Variants in FSTL4 observed in about 807,000 individuals in gnomAD.
FSTL4 encodes the protein follistatin-related protein 4.
FSTL4 carries 28 observed loss-of-function variants against 78.2 expected under a neutral mutation model. The ratio of observed to expected loss-of-function variants is 0.36; its 90% CI spans 0.27 to 0.49. The LOEUF is 0.49. FSTL4 is among the 20% of genes least tolerant of loss of function. FSTL4 has a pLI of 0.98. For missense variants in FSTL4, 922 were observed against 1,084.9 expected, an observed-to-expected ratio of 0.85 and a Z score of 2.11; for synonymous variants, 422 against 440.5, an observed-to-expected ratio of 0.96 and a Z score of 0.53.
At chr5:133,336,209 C>T (rs1754459255) in intron 4 of FSTL4, among the ~76,000 whole-genome samples, 1 of 152,252 alleles carries the variant, frequency 6.6e-6, no homozygotes, top group Non-Finnish European at 1.5e-5. Flanking sequence ...CCCAGCAAAG[C>T]TGGGCTGTCC....
Position 133,225,283 on chromosome 5 carries a change from G to A in FSTL4, c.1179C>T (p.Ala393=), listed in dbSNP as rs746709405. ...TGCTGATGTGGAGTTCGCTCCCATT[G>A]GCTGCAGACAGGACAGTGCTCAGGG... The part of the protein sequence containing the change: ...TQMSKQLSLL[A]NGSELHISSV... The change falls in exon 10 of 16, where the codon GCC becomes GCT. Residue 393 remains alanine, a splice_region_variant and synonymous_variant. Coordinates refer to ENST00000265342, the MANE Select transcript of FSTL4 (RefSeq NM_015082.2). The surrounding 1 kb of genome is among the most constrained non-coding windows in gnomAD (Gnocchi z 4.6). 29 of 1,614,024 alleles carry A rather than the reference G, an allele frequency of 1.8e-5. No individual in the cohort carries two copies. In the Admixed American group the frequency reaches 4.8e-4, roughly 27 times the overall value.
Position 133,225,007 on chromosome 5 carries a change from T to G in FSTL4, c.1312+143A>C, listed in dbSNP as rs1751279831. The G allele has an allele frequency of 4.2e-6, 4 of 941,776 alleles. No individual in the cohort carries two copies. In the Admixed American group the frequency reaches 8.2e-5, roughly 19 times the overall value. 58.3% of individuals were successfully genotyped at this position (941,776 alleles called of 1,614,324 possible). A position where few individuals can be genotyped will look rare whatever the true frequency, so the allele number is the denominator to read the frequency against. On this transcript the variant is annotated intron_variant, in intron 10 of 15. Transcript: ENST00000265342. The surrounding 1 kb of genome is among the most constrained non-coding windows in gnomAD (Gnocchi z 4.6). Reference sequence around the variant, plus strand: ...CTCTGGGTGCCCTCCAATTCCAGCTTTATGCAAAGAGGGATATGAGGCTTA... The same window carrying G: ...CTCTGGGTGCCCTCCAATTCCAGCTGTATGCAAAGAGGGATATGAGGCTTA...
In FSTL4 at chr5:133,377,777, T is replaced by A. The variant is rs577374350; in HGVS notation, c.409+22961A>T. ...AAACTTCCTAAATTTGATTAAAAAA[T>A]TAATCAGTACATCCAAGAAATTCAA... On this transcript the variant is annotated intron_variant, in intron 4 of 15. Transcript: ENST00000265342. Among the ~76,000 whole-genome samples the A allele has an allele frequency of 5.8e-4, 88 of 152,218 alleles. 1 individual carries two copies. The South Asian group carries it at 0.018, about 31-fold the overall frequency.
At chr5:133,594,771 C>T (rs1300140321) in intron 2 of FSTL4, among the ~76,000 whole-genome samples, 2 of 152,160 alleles carry the variant, frequency 1.3e-5, no homozygotes, top group African/African-American at 4.8e-5. Context: ...CGTTTAAATG[C>T]AAGGCCAGAA....
At chr5:133,249,049 C>G (rs1300151958) in intron 7 of FSTL4, among the ~76,000 whole-genome samples, 1 of 152,232 alleles carries the variant, frequency 6.6e-6, no homozygotes, top group Non-Finnish European at 1.5e-5. Flanking sequence ...GTGGAGCCTG[C>G]TGCTCTCTCT....
chr5:133,640,755 T>C, the FSTL4 span, among the ~76,000 whole-genome samples: 12 of 152,186 alleles, frequency 7.9e-5, no homozygotes, highest in Non-Finnish European at 1.8e-4. Context: ...TGCATGTATG[T>C]ACAGCCAATA....
At chr5:133,216,761 G>T (rs1372368884) in intron 13 of FSTL4, among the ~76,000 whole-genome samples, 1 of 152,198 alleles carries the variant, frequency 6.6e-6, no homozygotes, top group Non-Finnish European at 1.5e-5. Flanking sequence ...CCTCACTTTG[G>T]GCTTTGTTTT....
chr5:133,213,013 A>AT (rs530591042), intron 13 of FSTL4, among the ~76,000 whole-genome samples: 3,456 of 141,404 alleles, frequency 0.024, 70 homozygotes, highest in African/African-American at 0.054. Flanking sequence ...GAAAGTAAAG[A>AT]TTTTTTTTTT....
the FSTL4 span, among the ~76,000 whole-genome samples, chr5:133,771,377 C>T: frequency 6.6e-6 from 1 of 151,998 alleles, no homozygotes; most frequent in East Asian, 1.9e-4. Flanking sequence ...TTGTTTGAGT[C>T]TTGTACAATT....
the FSTL4 span, among the ~76,000 whole-genome samples, chr5:133,718,921 A>G: frequency 6.6e-6 from 1 of 152,274 alleles, no homozygotes; most frequent in South Asian, 2.1e-4. Flanking sequence ...AAGAATAAGC[A>G]ACATATATTC....
At chr5:133,367,660 C>A (rs1755207224) in intron 4 of FSTL4, among the ~76,000 whole-genome samples, 1 of 152,178 alleles carries the variant, frequency 6.6e-6, no homozygotes, top group Non-Finnish European at 1.5e-5. Context: ...CTCTCCCGCA[C>A]CTCAAGGATG....
intron 3 of FSTL4, among the ~76,000 whole-genome samples, chr5:133,468,464 G>A (rs1315978604): frequency 6.6e-6 from 1 of 152,236 alleles, no homozygotes; most frequent in African/African-American, 2.4e-5. Flanking sequence ...GGAAGAAGGT[G>A]ACTGTGGCTT....
chr5:133,339,001 G>C (rs896771608), intron 4 of FSTL4, among the ~76,000 whole-genome samples: 1 of 152,086 alleles, frequency 6.6e-6, no homozygotes, highest in Non-Finnish European at 1.5e-5. Flanking sequence ...GAATCTTATG[G>C]GGGCTCCCAC....
At chr5:133,705,868 C>A in the FSTL4 span, among the ~76,000 whole-genome samples, 1 of 139,806 alleles carries the variant, frequency 7.2e-6, no homozygotes, top group Non-Finnish European at 1.5e-5. Flanking sequence ...CACACACACA[C>A]GCACACACAC....
chr5:133,383,619 C>T (rs1755627861), intron 4 of FSTL4, among the ~76,000 whole-genome samples: 1 of 152,164 alleles, frequency 6.6e-6, no homozygotes, highest in Admixed American at 6.5e-5. Flanking sequence ...CATCACTCGG[C>T]GGGGACACCT....
chr5:133,715,305 A>G, the FSTL4 span, among the ~76,000 whole-genome samples: 1 of 152,272 alleles, frequency 6.6e-6, no homozygotes, highest in Admixed American at 6.5e-5. Flanking sequence ...TTAGAAGCTG[A>G]AACCTAAATG....
chr5:133,459,657 T>C (rs1757555771), intron 3 of FSTL4, among the ~76,000 whole-genome samples: 1 of 152,206 alleles, frequency 6.6e-6, no homozygotes, highest in South Asian at 2.1e-4. Context: ...CAGCAGTTTG[T>C]AGTCTGAGGC....
At chr5:133,569,385 G>A (rs1406755691) in intron 2 of FSTL4, among the ~76,000 whole-genome samples, 1 of 152,178 alleles carries the variant, frequency 6.6e-6, no homozygotes, top group Non-Finnish European at 1.5e-5. Context: ...GTGACAGGCT[G>A]GCTTTTAGCC....
the FSTL4 span, among the ~76,000 whole-genome samples, chr5:133,735,514 T>C: frequency 6.6e-6 from 1 of 152,076 alleles, no homozygotes; most frequent in South Asian, 2.1e-4. Flanking sequence ...TGGCTTTTTC[T>C]TTTCCTTTGT....
Sources: allele counts gnomAD v4.1 joint callset (sites outside exome capture counted in the v4.1 genomes callset), GRCh38; gene constraint gnomAD v4.1.1; non-coding constraint Gnocchi (gnomAD v3.1); transcripts MANE v1.5; gene names NCBI Gene and HGNC (gene_info 2026-07-23, HGNC 2026-07-21).